Variants in MAP4K4 observed in about 807,000 individuals in gnomAD.
MAP4K4 encodes HPK/GCK-like kinase HGK.
MAP4K4 carries 38 observed loss-of-function variants against 189.6 expected under a neutral mutation model. The observed-to-expected ratio is 0.20, with a 90% CI of 0.15 to 0.26. The LOEUF is 0.26. Among genes scored for constraint, MAP4K4 ranks in the 10% least tolerant of loss-of-function variants. The pLI, the probability that MAP4K4 is intolerant of heterozygous loss-of-function variation, is 1.00. For missense variants in MAP4K4, 1,054 were observed against 1,726.9 expected, an observed-to-expected ratio of 0.61 and a Z score of 6.91; for synonymous variants, 610 against 624.3, an observed-to-expected ratio of 0.98 and a Z score of 0.34.
intron 2 of MAP4K4, among the ~76,000 whole-genome samples, chr2:101,711,531 A>G (rs904504992): frequency 3.3e-5 from 5 of 152,242 alleles, no homozygotes; most frequent in Non-Finnish European, 4.4e-5. Context: ...CTGGGATTAC[A>G]GGCGTGAGCC....
At chr2:101,744,409 A>G (rs963049388) in intron 2 of MAP4K4, among the ~76,000 whole-genome samples, 1 of 152,220 alleles carries the variant, frequency 6.6e-6, no homozygotes, top group Admixed American at 6.5e-5. Flanking sequence ...CACTAGCCAC[A>G]TGTGGCTTAA....
chr2:101,762,597 A>T (rs2076956470), intron 2 of MAP4K4, among the ~76,000 whole-genome samples: 1 of 152,132 alleles, frequency 6.6e-6, no homozygotes, highest in Admixed American at 6.5e-5. Context: ...GGCACAGGGG[A>T]AGATTATTAA....
intron 3 of MAP4K4, among the ~76,000 whole-genome samples, chr2:101,817,092 C>T (rs925644171): frequency 3.3e-5 from 5 of 151,728 alleles, no homozygotes; most frequent in African/African-American, 1.2e-4. Flanking sequence ...TAGCATTTCT[C>T]CCCTCCTCCT....
intron 23 of MAP4K4, 101 bp from the exon 24 acceptor site, chr2:101,871,393 A>G: frequency 1.1e-6 from 1 of 903,440 alleles, no homozygotes; most frequent in Non-Finnish European, 1.6e-6. Context: ...GTAATTTAGC[A>G]GAGTTTATAA....
chr2:101,774,039 C>T (rs964894847), intron 2 of MAP4K4, among the ~76,000 whole-genome samples: 3 of 151,236 alleles, frequency 2.0e-5, no homozygotes, highest in Admixed American at 1.3e-4. Flanking sequence ...GCAGATATCT[C>T]TTTGATATAC....
intron 2 of MAP4K4, among the ~76,000 whole-genome samples, chr2:101,767,055 G>A (rs2078929305): frequency 6.6e-6 from 1 of 152,126 alleles, no homozygotes; most frequent in Non-Finnish European, 1.5e-5. Context: ...AGTCTTATTG[G>A]TCCCTTTCCG....
At chr2:101,714,762 G>C (rs1464337191) in intron 2 of MAP4K4, among the ~76,000 whole-genome samples, 1 of 152,106 alleles carries the variant, frequency 6.6e-6, no homozygotes, top group African/African-American at 2.4e-5. Flanking sequence ...AGATTATCTT[G>C]TTCAAACTCT....
At chr2:101,887,677 G>T in intron 30 of MAP4K4, 101 bp from the exon 31 acceptor site, 1 of 791,466 alleles carries the variant, frequency 1.3e-6, no homozygotes, top group Non-Finnish European at 2.0e-6. Context: ...TATCTTCAGA[G>T]ATATGGTACC....
At chr2:101,711,792 C>G (rs959380796) in intron 2 of MAP4K4, among the ~76,000 whole-genome samples, 1 of 151,886 alleles carries the variant, frequency 6.6e-6, no homozygotes, top group Non-Finnish European at 1.5e-5. Flanking sequence ...TTGTATTAGA[C>G]GTTTCATTAG....
chr2:101,732,431 A>AT (rs2058846340), intron 2 of MAP4K4, among the ~76,000 whole-genome samples: 1 of 152,098 alleles, frequency 6.6e-6, no homozygotes, highest in Non-Finnish European at 1.5e-5. Context: ...ATGCTATAAA[A>AT]TTCGGGGGAG....
At chr2:101,737,457 A>ATG (rs2060827829) in intron 2 of MAP4K4, among the ~76,000 whole-genome samples, 2 of 34,704 alleles carry the variant, frequency 5.8e-5, no homozygotes, top group Non-Finnish European at 4.5e-5. Flanking sequence ...ATATATATAT[A>ATG]TATATTTTTT....
chr2:101,775,034 CTTTTTTTTTTT>C (rs77977516), intron 2 of MAP4K4, among the ~76,000 whole-genome samples: 1 of 129,050 alleles, frequency 7.7e-6, no homozygotes, highest in East Asian at 2.2e-4. Context: ...CCTATCCCCT[CTTTTTTTTTTT>C]TTTTTTTTTA....
intron 3 of MAP4K4, among the ~76,000 whole-genome samples, chr2:101,811,993 T>C (rs1420990929): frequency 1.3e-5 from 2 of 152,216 alleles, no homozygotes; most frequent in African/African-American, 4.8e-5. Flanking sequence ...TTTTTGTCTT[T>C]ATCTCTGTAA....
intron 12 of MAP4K4, among the ~76,000 whole-genome samples, chr2:101,854,342 G>GC: frequency 6.6e-6 from 1 of 152,302 alleles, no homozygotes; most frequent in Admixed American, 6.5e-5. Flanking sequence ...AGATACTAGA[G>GC]CAGGAGCATC....
intron 3 of MAP4K4, among the ~76,000 whole-genome samples, chr2:101,804,669 G>A (rs2094731437): frequency 6.6e-6 from 1 of 152,068 alleles, no homozygotes; most frequent in Admixed American, 6.5e-5. Flanking sequence ...TAGCAGTGTG[G>A]CTGACAGGTC....
Position 101,892,540 on chromosome 2 carries a change from T to C in MAP4K4, c.*1291T>C, listed in dbSNP as rs2098584925. 1.7e-5 allele frequency: 4 copies of C among 234,960 alleles called. No individual in the cohort carries two copies. In the South Asian group the frequency reaches 1.9e-4, roughly 11 times the overall value. The allele number at this position is 234,960 out of a possible 1,614,324, so 14.6% of individuals were successfully genotyped here. On this transcript the variant is annotated 3_prime_UTR_variant, in exon 33 of 33. Coordinates refer to ENST00000324219, the Ensembl canonical transcript of MAP4K4. Reference sequence around the variant, plus strand: ...CAGACAGGTGGTTACATTAGAATAGTCACACAAACTGTTCAGTGTTGCAGG... The same window carrying C: ...CAGACAGGTGGTTACATTAGAATAGCCACACAAACTGTTCAGTGTTGCAGG...
At chr2:101,869,739 G>C (rs1334777509) in exon 22 of MAP4K4, 2 of 1,593,010 alleles carry the variant, frequency 1.3e-6, no homozygotes, top group East Asian at 4.6e-5. Flanking sequence ...GGAGGACGAC[G>C]ATGTGGAGCA....
chr2:101,873,675 A>G (rs1181090802), exon 25 of MAP4K4: 1 of 1,611,798 alleles, frequency 6.2e-7, no homozygotes, highest in South Asian at 1.1e-5. Context: ...ACACTCCAGA[A>G]ACACAAATCT....
chr2:101,705,104 C>T (rs535327735), intron 2 of MAP4K4, among the ~76,000 whole-genome samples: 3 of 152,166 alleles, frequency 2.0e-5, no homozygotes, highest in African/African-American at 4.8e-5. Flanking sequence ...TAGGACATCC[C>T]GTTTTAAAAA....
Sources: allele counts gnomAD v4.1 joint callset (sites outside exome capture counted in the v4.1 genomes callset), GRCh38; gene constraint gnomAD v4.1.1; transcripts MANE v1.5; gene names NCBI Gene and HGNC (gene_info 2026-07-23, HGNC 2026-07-21).